Variants in MACROD2 observed in about 807,000 individuals in gnomAD.
MACROD2 encodes mono-ADP ribosylhydrolase 2.
Under a neutral mutation model 70.4 loss-of-function variants are expected in MACROD2, and 36 were observed. The ratio of observed to expected loss-of-function variants is 0.51; its 90% CI spans 0.39 to 0.68. The LOEUF (loss-of-function observed/expected upper bound fraction) is 0.68, where lower values mean the gene tolerates loss of function less well. Among genes scored for constraint, MACROD2 ranks in the 30% least tolerant of loss-of-function variants. MACROD2 has a pLI of 0.00. For synonymous variants in MACROD2, 172 were observed against 178.8 expected, an observed-to-expected ratio of 0.96 and a Z score of 0.30; for missense variants, 496 against 538.4, an observed-to-expected ratio of 0.92 and a Z score of 0.78.
intron 5 of MACROD2, among the ~76,000 whole-genome samples, chr20:15,188,564 T>C (rs1464421895): frequency 1.3e-5 from 2 of 152,228 alleles, no homozygotes; most frequent in Non-Finnish European, 2.9e-5. Context: ...CTTCTCTTCA[T>C]ACTTTTCAAA....
At chr20:14,898,109 TATTA>T (rs981033885) in intron 5 of MACROD2, among the ~76,000 whole-genome samples, 3 of 152,196 alleles carry the variant, frequency 2.0e-5, no homozygotes, top group Non-Finnish European at 4.4e-5. Flanking sequence ...TTCAATGTTT[TATTA>T]ATTAATATTT....
chr20:14,362,376 G>C (rs2083229907), intron 3 of MACROD2, among the ~76,000 whole-genome samples: 1 of 152,136 alleles, frequency 6.6e-6, no homozygotes, highest in Non-Finnish European at 1.5e-5. Context: ...CTTCCCATGT[G>C]TGCTATGTGT....
intron 8 of MACROD2, among the ~76,000 whole-genome samples, chr20:15,782,056 G>A (rs1207984681): frequency 6.6e-6 from 1 of 152,100 alleles, no homozygotes; most frequent in Non-Finnish European, 1.5e-5. Context: ...TCGATGAATT[G>A]GGGAGGGCTT....
intron 8 of MACROD2, among the ~76,000 whole-genome samples, chr20:15,736,987 G>A (rs1272779172): frequency 1.3e-5 from 2 of 152,192 alleles, no homozygotes; most frequent in African/African-American, 2.4e-5. Flanking sequence ...TAAATAACCA[G>A]AGTTTTAATA....
intron 5 of MACROD2, among the ~76,000 whole-genome samples, chr20:15,156,803 A>T (rs2076310061): frequency 6.6e-6 from 1 of 152,194 alleles, no homozygotes; most frequent in Admixed American, 6.5e-5. Flanking sequence ...AGACCCTCAG[A>T]AAACCTGGAT....
intron 3 of MACROD2, among the ~76,000 whole-genome samples, chr20:14,313,897 T>C (rs1035351791): frequency 6.6e-6 from 1 of 152,186 alleles, no homozygotes; most frequent in East Asian, 1.9e-4. Context: ...CATGCTGTTA[T>C]AGTTAAATAC....
chr20:14,670,320 T>G (rs746062239), intron 4 of MACROD2, among the ~76,000 whole-genome samples: 9 of 152,138 alleles, frequency 5.9e-5, no homozygotes, highest in Non-Finnish European at 1.3e-4. Flanking sequence ...AGCCTCATTG[T>G]TGATGGAAAT....
At chr20:15,033,508 A>G (rs938562185) in intron 5 of MACROD2, among the ~76,000 whole-genome samples, 1 of 152,162 alleles carries the variant, frequency 6.6e-6, no homozygotes, top group Non-Finnish European at 1.5e-5. Context: ...CTTATGACCC[A>G]GTTATTTGCT....
At chr20:15,520,393 G>C (rs931936827) in intron 8 of MACROD2, among the ~76,000 whole-genome samples, 2 of 152,222 alleles carry the variant, frequency 1.3e-5, no homozygotes, top group Non-Finnish European at 2.9e-5. Flanking sequence ...TCTGGAGCGA[G>C]TCAAAGTGCC....
intron 15 of MACROD2, among the ~76,000 whole-genome samples, chr20:16,033,858 G>T (rs1281101724): frequency 7.2e-6 from 1 of 139,286 alleles, no homozygotes; most frequent in Non-Finnish European, 1.6e-5. Flanking sequence ...AGTAGGGGGT[G>T]GGGTGGGGGA....
chr20:14,424,908 G>C (rs1470281083), intron 3 of MACROD2, among the ~76,000 whole-genome samples: 1 of 152,180 alleles, frequency 6.6e-6, no homozygotes, highest in Non-Finnish European at 1.5e-5. Context: ...GAAAGTCCAA[G>C]TAAAGAGCGT....
intron 8 of MACROD2, among the ~76,000 whole-genome samples, chr20:15,716,484 C>A (rs2050709503): frequency 6.6e-6 from 1 of 152,310 alleles, no homozygotes; most frequent in South Asian, 2.1e-4. Flanking sequence ...TGCTGGAGAC[C>A]ATTTTAAATG....
intron 5 of MACROD2, among the ~76,000 whole-genome samples, chr20:15,012,771 C>A (rs1240722375): frequency 6.6e-6 from 1 of 152,154 alleles, no homozygotes; most frequent in Non-Finnish European, 1.5e-5. Flanking sequence ...CTGCTGACAG[C>A]CAGTCATTGT....
intron 5 of MACROD2, among the ~76,000 whole-genome samples, chr20:15,077,732 G>A (rs942792527): frequency 6.6e-6 from 1 of 152,118 alleles, no homozygotes; most frequent in African/African-American, 2.4e-5. Context: ...CCTACATTAA[G>A]TTTCAGATAT....
intron 8 of MACROD2, among the ~76,000 whole-genome samples, chr20:15,521,210 A>G (rs2047648210): frequency 6.6e-6 from 1 of 152,136 alleles, no homozygotes; most frequent in Non-Finnish European, 1.5e-5. Context: ...GAGCAATTAT[A>G]ATTATAATTA....
chr20:14,146,638 C>G (rs2054946948), intron 3 of MACROD2, among the ~76,000 whole-genome samples: 1 of 152,182 alleles, frequency 6.6e-6, no homozygotes, highest in Non-Finnish European at 1.5e-5. Flanking sequence ...TACTTTAACA[C>G]CTACTTTTCT....
intron 5 of MACROD2, among the ~76,000 whole-genome samples, chr20:14,717,770 C>T (rs1250051553): frequency 6.6e-6 from 1 of 152,028 alleles, no homozygotes; most frequent in Non-Finnish European, 1.5e-5. Context: ...CCATTACTTT[C>T]CTTGGTTCTC....
chr20:15,314,042 CAAAGGTAAAATATCATTA>C (rs1167906989), intron 6 of MACROD2, among the ~76,000 whole-genome samples: 1 of 151,830 alleles, frequency 6.6e-6, no homozygotes, highest in Non-Finnish European at 1.5e-5. Flanking sequence ...ATATCTAGGA[CAAAGGTAAAATATCATTA>C]AAAGGTAAAA....
intron 5 of MACROD2, among the ~76,000 whole-genome samples, chr20:14,937,395 T>C (rs942270133): frequency 5.3e-5 from 8 of 152,080 alleles, no homozygotes; most frequent in Admixed American, 4.6e-4. Flanking sequence ...AGGTTTTTTT[T>C]CATAATTACT....
Sources: gnomAD v4.1 joint callset for allele counts (sites outside exome capture counted in the v4.1 genomes callset) on GRCh38, gnomAD v4.1.1 for gene constraint, MANE v1.5 for transcripts, NCBI Gene and HGNC (gene_info 2026-07-23, HGNC 2026-07-21) for gene names.